HEATR4: variants seen among roughly 807,000 people sequenced by gnomAD.
The protein encoded by HEATR4 is HEAT repeat-containing protein 4.
HEATR4 carries 95 observed loss-of-function variants against 108.8 expected under a neutral mutation model. That is an observed-to-expected ratio of 0.87 (90% CI 0.74 to 1.04). HEATR4 has a LOEUF of 1.04. Ranked by LOEUF, HEATR4 falls within the 50% of genes least tolerant of loss-of-function variation. HEATR4 has a pLI of 0.00. For missense variants in HEATR4, 1,152 were observed against 1,253.8 expected (o/e 0.92, Z 1.23); for synonymous variants, 443 against 459.4 (o/e 0.96, Z 0.46).
the HEATR4 span, chr14:73,593,832 C>A: frequency 6.2e-7 from 1 of 1,613,918 alleles, no homozygotes; most frequent in African/African-American, 1.3e-5. Flanking sequence ...TTGAAGATCT[C>A]CCCAATAACA....
At chr14:73,569,056 T>C in the HEATR4 span, 8 of 761,728 alleles carry the variant, frequency 1.1e-5, no homozygotes, top group Non-Finnish European at 1.7e-5. Context: ...AGCAAGCTTC[T>C]GAAAAGCAAA....
chr14:73,500,224 C>T (rs984886950), intron 12 of HEATR4, among the ~76,000 whole-genome samples: 10 of 151,564 alleles, frequency 6.6e-5, no homozygotes, highest in South Asian at 2.1e-4. Flanking sequence ...AGCGAGACTC[C>T]GTCTCAAAAC....
the HEATR4 span, among the ~76,000 whole-genome samples, chr14:73,607,207 G>A: frequency 6.6e-6 from 1 of 152,208 alleles, no homozygotes; most frequent in African/African-American, 2.4e-5. Flanking sequence ...CTACTCGGGA[G>A]GCTGACGCAG....
At chr14:73,599,099 C>T in the HEATR4 span, among the ~76,000 whole-genome samples, 2 of 152,150 alleles carry the variant, frequency 1.3e-5, no homozygotes, top group African/African-American at 2.4e-5. Context: ...CACAGGCACT[C>T]CTGTGACAGT....
At chr14:73,506,002 T>C (rs1886795847) in intron 10 of HEATR4, among the ~76,000 whole-genome samples, 1 of 150,286 alleles carries the variant, frequency 6.7e-6, no homozygotes, top group Non-Finnish European at 1.5e-5. Flanking sequence ...GCGATTCTCC[T>C]GCCTCAGCCT....
At chr14:73,568,949 T>C in the HEATR4 span, 1 of 471,962 alleles carries the variant, frequency 2.1e-6, no homozygotes, top group Non-Finnish European at 3.8e-6. Flanking sequence ...TAACTCCAGC[T>C]CTGCATTCCT....
the HEATR4 span, chr14:73,593,787 TG>T: frequency 1.4e-5 from 22 of 1,614,098 alleles, no homozygotes; most frequent in Non-Finnish European, 1.9e-5. Context: ...TTGCTGGCCA[TG>T]GCTTTGCCAC....
chr14:73,491,792 G>A (rs757644921), intron 17 of HEATR4: 3 of 1,588,596 alleles, frequency 1.9e-6, no homozygotes, highest in Non-Finnish European at 1.7e-6. Context: ...GGTGCAGTTC[G>A]GCCAGCATTT....
chr14:73,487,309 G>A (rs1250820186), intron 17 of HEATR4, among the ~76,000 whole-genome samples: 2 of 152,062 alleles, frequency 1.3e-5, no homozygotes, highest in African/African-American at 4.8e-5. Flanking sequence ...GCTCGCGCCT[G>A]TAATCCCAGC....
Position 73,514,052 on chromosome 14 carries a change from A to G in HEATR4, c.1393T>C (p.Trp465Arg), listed in dbSNP as rs550229301. Residue 465 changes from tryptophan (W) to arginine (R), a missense_variant, in exon 6 of 18, where the codon TGG becomes CGG. Transcript: ENST00000553558. The stretch of plus-strand genomic sequence containing the variant: ...TCACTCAGAGCCCAGGCAGTCTTCC[A>G]TTCCTTCAGCATCCTCCGCAGGACC... ...LVVLRRMLKE[W>R]KTAWALIIEW... The G allele has an allele frequency of 6.2e-6, 10 of 1,614,058 alleles. No homozygotes were observed. Among genetic ancestry groups the G allele is most frequent in the Non-Finnish European group, 8.5e-7 (1 of 1,180,030 alleles).
At chr14:73,490,953 C>A in intron 17 of HEATR4, 1 of 1,285,958 alleles carries the variant, frequency 7.8e-7, no homozygotes. Context: ...GCAGCCGCTG[C>A]ATTCAGGAAC....
chr14:73,569,781 C>T, the HEATR4 span: 147 of 1,605,504 alleles, frequency 9.2e-5, 4 homozygotes, highest in Non-Finnish European at 1.2e-4. Context: ...CCCCGGGCGG[C>T]TGCTGTGCCA....
At chr14:73,591,117 G>A in the HEATR4 span, among the ~76,000 whole-genome samples, 1 of 152,118 alleles carries the variant, frequency 6.6e-6, no homozygotes, top group Non-Finnish European at 1.5e-5. Flanking sequence ...ATGGTGGTGC[G>A]CTGTCTGTAG....
intron 9 of HEATR4, among the ~76,000 whole-genome samples, chr14:73,506,807 T>TTTTTTTTTTTTGTTTTG (rs1491302054): frequency 4.9e-5 from 5 of 102,220 alleles, no homozygotes; most frequent in African/African-American, 2.4e-4. Flanking sequence ...TTTAACTGTT[T>TTTTTTTTTTTTGTTTTG]TTTTTTTTTT....
chr14:73,514,193 G>A lies in HEATR4; in HGVS notation c.1252C>T (p.Pro418Ser), dbSNP rs753983223. 1 of 1,614,162 alleles carries A rather than the reference G, an allele frequency of 6.2e-7. No individual in the cohort carries two copies. Among genetic ancestry groups the A allele is most frequent in the Admixed American group, 1.7e-5 (1 of 60,010 alleles). The change falls in exon 6 of 18, where the codon CCC becomes TCC. Residue 418 changes from proline to serine, a missense_variant. Coordinates refer to ENST00000553558, the MANE Select transcript of HEATR4 (RefSeq NM_001220484.1). ...VQGALRWTAL[P>S]TPAKDMLLQV... ...AGCAGCATATCCTTGGCGGGGGTGG[G>A]CAAAGCAGTCCAGCGCAGGGCTCCT...
At chr14:73,602,567 G>T in the HEATR4 span, among the ~76,000 whole-genome samples, 1 of 152,154 alleles carries the variant, frequency 6.6e-6, no homozygotes, top group Non-Finnish European at 1.5e-5. Context: ...CTAGAGGCAA[G>T]TTGCCTCCTG....
intron 2 of HEATR4, among the ~76,000 whole-genome samples, chr14:73,524,304 A>ATATATATATAT (rs1315675578): frequency 2.1e-5 from 2 of 93,794 alleles, no homozygotes; most frequent in Non-Finnish European, 4.1e-5. Context: ...AAAAAAAAAA[A>ATATATATATAT]AAAAAAATAT....
At position 73,554,858 on chromosome 14, in the gene HEATR4, C is replaced by T. The variant is rs886389099; in HGVS notation, c.-152+3893G>A. Among the ~76,000 whole-genome samples, 9 of 112,978 alleles carry T rather than the reference C, an allele frequency of 8.0e-5. 4 individuals are homozygous for T. The highest frequency in any genetic ancestry group is 1.7e-4 in the African/African-American group (6 of 34,982). The allele number at this position is 112,978 out of a possible 152,430, so 74.1% of individuals were successfully genotyped here. ...TGTACAATACTTATCTGAAACTATA[C>T]GTTTAGAATGGAGCAGTTTAATACT... On this transcript the variant is annotated intron_variant, in intron 1 of 17. Transcript: ENST00000553558.
In HEATR4 at chr14:73,522,741, T is replaced by A. The variant is rs114510558; in HGVS notation, c.412A>T (p.Thr138Ser). 1.9e-3 allele frequency: 3,015 copies of A among 1,614,198 alleles called. 63 individuals carry two copies. In the African/African-American group the frequency reaches 0.034, roughly 18 times the overall value. ...TTTTCGGGATTGGCAGAGCTTTCTG[T>A]CTTCACAGCCAGGGAGGTGTCTCCT... is the stretch of plus-strand genomic sequence containing the variant. Reference protein sequence around the residue: ...LTGDTSLAVKTESSANPEKKL... With the variant: ...LTGDTSLAVKSESSANPEKKL... Residue 138 changes from threonine to serine, a missense_variant, in exon 3 of 18, where the codon ACA becomes TCA. Coordinates refer to ENST00000553558, the MANE Select transcript of HEATR4 (RefSeq NM_001220484.1).
Sources: gnomAD v4.1 joint callset for allele counts (sites outside exome capture counted in the v4.1 genomes callset) on GRCh38, gnomAD v4.1.1 for gene constraint, MANE v1.5 for transcripts, NCBI Gene and HGNC (gene_info 2026-07-23, HGNC 2026-07-21) for gene names.